The following PPP1R1C variants were observed in gnomAD, a reference collection of about 807,000 sequenced individuals.
PPP1R1C encodes the protein protein phosphatase 1 regulatory inhibitor subunit 1C, also known as protein phosphatase 1 regulatory subunit 1C.
Under a neutral mutation model 17.4 loss-of-function variants are expected in PPP1R1C, and 15 were observed. The observed-to-expected ratio is 0.86, with a 90% CI of 0.58 to 1.33. The LOEUF (loss-of-function observed/expected upper bound fraction) is 1.33, where lower values mean the gene tolerates loss of function less well. PPP1R1C is among the 40% of genes most tolerant of loss of function. The pLI is 0.00. For synonymous variants in PPP1R1C, 35 were observed against 43.1 expected (o/e 0.81, Z 0.73); for missense variants, 143 against 130.0 (o/e 1.10, Z -0.48).
intron 2 of PPP1R1C, among the ~76,000 whole-genome samples, chr2:182,013,371 G>A (rs1359816316): frequency 2.0e-5 from 3 of 152,132 alleles, no homozygotes; most frequent in Admixed American, 2.0e-4. Context: ...CTCCTGGCCT[G>A]TAAGGTTTCC....
chr2:182,121,749 G>T (rs1026206174), downstream of PPP1R1C, among the ~76,000 whole-genome samples: 3 of 151,914 alleles, frequency 2.0e-5, no homozygotes, highest in Non-Finnish European at 4.4e-5. Flanking sequence ...TAATCCGCCC[G>T]CCTCAGCCTC....
At chr2:182,030,388 T>G (rs2125170331) in intron 2 of PPP1R1C, among the ~76,000 whole-genome samples, 1 of 151,904 alleles carries the variant, frequency 6.6e-6, no homozygotes, top group African/African-American at 2.4e-5. Flanking sequence ...CAGATGGGTT[T>G]TTGGTGTGGA....
At chr2:182,027,938 G>C (rs1686674467) in intron 2 of PPP1R1C, among the ~76,000 whole-genome samples, 1 of 131,394 alleles carries the variant, frequency 7.6e-6, no homozygotes, top group Non-Finnish European at 1.6e-5. Context: ...GTTTAGTCTT[G>C]GGAGAGTGTA....
At chr2:182,037,186 G>T (rs571459227) in intron 2 of PPP1R1C, among the ~76,000 whole-genome samples, 1 of 152,174 alleles carries the variant, frequency 6.6e-6, no homozygotes, top group Non-Finnish European at 1.5e-5. Flanking sequence ...AACAAAAAAG[G>T]CAGAGGTTGT....
chr2:182,016,109 G>A (rs1686256255), intron 2 of PPP1R1C, among the ~76,000 whole-genome samples: 1 of 152,184 alleles, frequency 6.6e-6, no homozygotes, highest in African/African-American at 2.4e-5. Context: ...CCACTGGGAT[G>A]AGTGCTTCCC....
intron 2 of PPP1R1C, among the ~76,000 whole-genome samples, chr2:182,026,884 C>T (rs1164995995): frequency 4.8e-5 from 7 of 146,448 alleles, no homozygotes; most frequent in Non-Finnish European, 1.0e-4. Flanking sequence ...CTTTTATTTC[C>T]TTGAGCAGTG....
intron 2 of PPP1R1C, among the ~76,000 whole-genome samples, chr2:182,000,807 C>T (rs1685739691): frequency 6.6e-6 from 1 of 152,106 alleles, no homozygotes; most frequent in African/African-American, 2.4e-5. Flanking sequence ...ATCGATTGCT[C>T]AATGCCTTTC....
At chr2:182,005,195 T>C (rs1437172028) in intron 2 of PPP1R1C, among the ~76,000 whole-genome samples, 1 of 151,528 alleles carries the variant, frequency 6.6e-6, no homozygotes, top group African/African-American at 2.4e-5. Context: ...AATATAACTA[T>C]CTTAAAAACA....
intron 4 of PPP1R1C, among the ~76,000 whole-genome samples, chr2:182,099,346 A>G (rs367885250): frequency 5.3e-5 from 8 of 152,354 alleles, no homozygotes; most frequent in African/African-American, 1.9e-4. Flanking sequence ...AATGCTAATC[A>G]TAAATATTGA....
At chr2:181,955,272 A>G (rs1023532562) in intron 1 of PPP1R1C, among the ~76,000 whole-genome samples, 4 of 152,234 alleles carry the variant, frequency 2.6e-5, no homozygotes, top group Non-Finnish European at 4.4e-5. Context: ...TACTTTTCCT[A>G]TGAAATTTGT....
intron 2 of PPP1R1C, among the ~76,000 whole-genome samples, chr2:182,010,338 T>C (rs1574374377): frequency 1.3e-5 from 2 of 152,048 alleles, no homozygotes; most frequent in South Asian, 2.1e-4. Flanking sequence ...AATCTTTTAC[T>C]TCTTTAATTA....
intron 2 of PPP1R1C, among the ~76,000 whole-genome samples, chr2:182,056,604 C>A (rs1395358695): frequency 6.6e-6 from 1 of 152,126 alleles, no homozygotes; most frequent in Non-Finnish European, 1.5e-5. Context: ...AAGTCTGTAT[C>A]TTTGGGGTTT....
chr2:182,096,351 A>G (rs963209348), intron 4 of PPP1R1C, among the ~76,000 whole-genome samples: 1 of 152,144 alleles, frequency 6.6e-6, no homozygotes, highest in African/African-American at 2.4e-5. Flanking sequence ...ACCATGTTTC[A>G]GTGGAGAAAG....
At chr2:182,020,818 T>C (rs1686400673) in intron 2 of PPP1R1C, among the ~76,000 whole-genome samples, 1 of 152,090 alleles carries the variant, frequency 6.6e-6, no homozygotes, top group Non-Finnish European at 1.5e-5. Context: ...TGTTTATGAG[T>C]CAGCTTTCCA....
At position 182,021,270 on chromosome 2, in the gene PPP1R1C, AT is replaced by A. The variant is rs371469883; in HGVS notation, c.142+33373del. Reference sequence around the variant, plus strand: ...AAGTTTCTTTGGGGTATAAGAAGCTATTCATATGGCCCAAGCCATCAAATTT... The same window carrying A: ...AAGTTTCTTTGGGGTATAAGAAGCTATCATATGGCCCAAGCCATCAAATTT... On this transcript the variant is annotated intron_variant, in intron 2 of 4. Coordinates refer to ENST00000682840, the MANE Select transcript of PPP1R1C (RefSeq NM_001080545.3). 3.7e-3 allele frequency among the ~76,000 whole-genome samples: 549 copies of A among 146,800 alleles called. 3 individuals carry two copies. Among genetic ancestry groups the A allele is most frequent in the Middle Eastern group, 7.0e-3 (2 of 284 alleles).
chr2:182,014,089 T>A (rs1391119754), intron 2 of PPP1R1C, among the ~76,000 whole-genome samples: 1 of 152,186 alleles, frequency 6.6e-6, no homozygotes, highest in Non-Finnish European at 1.5e-5. Flanking sequence ...GGTCTTGATG[T>A]TTGTTCATAT....
At chr2:182,044,545 A>C (rs543034343) in intron 2 of PPP1R1C, among the ~76,000 whole-genome samples, 1 of 152,314 alleles carries the variant, frequency 6.6e-6, no homozygotes. Flanking sequence ...CTCAGCAGCA[A>C]GCTTATAAAG....
chr2:182,122,408 G>T (rs574809794), downstream of PPP1R1C, among the ~76,000 whole-genome samples: 1 of 152,074 alleles, frequency 6.6e-6, no homozygotes, highest in Non-Finnish European at 1.5e-5. Flanking sequence ...CCAAATCCAT[G>T]ATTCCATACC....
intron 4 of PPP1R1C, among the ~76,000 whole-genome samples, chr2:182,076,352 G>A (rs1277355108): frequency 5.5e-5 from 8 of 144,940 alleles, no homozygotes; most frequent in Middle Eastern, 6.9e-3. Flanking sequence ...CCGCTACCAC[G>A]CCCGACTAAT....
Sources: gnomAD v4.1 joint callset for allele counts (sites outside exome capture counted in the v4.1 genomes callset) on GRCh38, gnomAD v4.1.1 for gene constraint, MANE v1.5 for transcripts, NCBI Gene and HGNC (gene_info 2026-07-23, HGNC 2026-07-21) for gene names.